The following RTF2 variants were observed in gnomAD, a reference collection of about 807,000 sequenced individuals.
The protein encoded by RTF2 is replication termination factor 2.
In RTF2, 18 loss-of-function variants were observed where a neutral mutation model predicts 38.0. The ratio of observed to expected loss-of-function variants is 0.47; its 90% CI spans 0.33 to 0.70. The LOEUF (loss-of-function observed/expected upper bound fraction) is 0.70, where lower values mean the gene tolerates loss of function less well. RTF2 is among the 30% of genes least tolerant of loss of function. RTF2 has a pLI of 0.02. For missense variants in RTF2, 311 were observed against 379.6 expected, an observed-to-expected ratio of 0.82 and a Z score of 1.50; for synonymous variants, 126 against 137.1, an observed-to-expected ratio of 0.92 and a Z score of 0.57.
chr20:56,484,887 G>A (rs1187314374), intron 5 of RTF2, among the ~76,000 whole-genome samples: 3 of 46,048 alleles, frequency 6.5e-5, no homozygotes, highest in South Asian at 7.0e-4. Context: ...GCTTCTGACT[G>A]TATTTTCCTG....
In RTF2 at chr20:56,518,366, G is replaced by A. The variant is rs1985184803; in HGVS notation, c.*101G>A. On this transcript the variant is annotated 3_prime_UTR_variant, in exon 9 of 9. Transcript: ENST00000357348. ...TGCGCTGCTGTGTGTTCTCTCTATA[G>A]TTCTGTGTCATAAAGCTGTCCTGGC... The A allele has an allele frequency of 1.6e-6, 2 of 1,217,006 alleles. No homozygotes were observed. Among genetic ancestry groups the A allele is most frequent in the African/African-American group, 1.5e-5 (1 of 65,848 alleles). The allele number at this position is 1,217,006 out of a possible 1,614,324, so 75.4% of individuals were successfully genotyped here.
At chr20:56,482,507 A>C (rs1434305450) in intron 4 of RTF2, among the ~76,000 whole-genome samples, 2 of 152,250 alleles carry the variant, frequency 1.3e-5, no homozygotes, top group Non-Finnish European at 2.9e-5. Context: ...GAGGATATAG[A>C]GGGCCAGCTG....
Position 56,518,146 on chromosome 20 carries a change from T to C in RTF2, c.802T>C (p.Ser268Pro). The change falls in exon 9 of 9, where the codon TCC becomes CCC. Residue 268 changes from serine (S) to proline (P), a missense_variant. By Grantham distance (74) the Ser-to-Pro change is moderately conservative. Coordinates refer to ENST00000357348, the MANE Select transcript of RTF2 (RefSeq NM_016407.5). ...GKPPCGATKR[S>P]IADSEESEAY... ...GCCTCCGTGTGGAGCCACAAAGAGG[T>C]CCATCGCTGACAGTGAAGAATCGGA... 1 of 1,613,960 alleles carries C rather than the reference T, an allele frequency of 6.2e-7. No homozygotes were observed. The highest frequency in any genetic ancestry group is 1.1e-5 in the South Asian group (1 of 91,054).
chr20:56,513,813 G>A, intron 6 of RTF2: 1 of 214,738 alleles, frequency 4.7e-6, no homozygotes, highest in Non-Finnish European at 9.8e-6. Flanking sequence ...GTTGATTTAA[G>A]GCAGTACATA....
At chr20:56,514,552 A>T (rs530432334) in intron 6 of RTF2, among the ~76,000 whole-genome samples, 9 of 152,184 alleles carry the variant, frequency 5.9e-5, no homozygotes, top group African/African-American at 2.2e-4. Flanking sequence ...GTACCTGAAG[A>T]TTTTTCAGAG....
intron 1 of RTF2, among the ~76,000 whole-genome samples, 165 bp from the exon 2 acceptor site, chr20:56,473,136 C>A (rs538777706): frequency 6.6e-6 from 1 of 152,120 alleles, no homozygotes; most frequent in African/African-American, 2.4e-5. Context: ...GTCTCAAAAA[C>A]AAACAAACAA....
chr20:56,488,873 AGCCTCCCTGCCTCTCG>A (rs1243458911), intron 5 of RTF2, among the ~76,000 whole-genome samples: 2 of 151,948 alleles, frequency 1.3e-5, no homozygotes, highest in Non-Finnish European at 2.9e-5. Flanking sequence ...TGCCTGTCTC[AGCCTCCCTGCCTCTCG>A]GCCTCCCTGC....
At position 56,490,317 on chromosome 20, in the gene RTF2, G is replaced by A. The variant is rs146525700; in HGVS notation, c.477+6128G>A. On this transcript the variant is annotated intron_variant, in intron 5 of 8. Coordinates refer to ENST00000357348, the MANE Select transcript of RTF2 (RefSeq NM_016407.5). ...GTATGTTGTGCTGTTTAATTGTCAC[G>A]CACTTCAGTTTCATATGATGCTGTA... is the stretch of plus-strand genomic sequence containing the variant. 1.7e-4 allele frequency among the ~76,000 whole-genome samples: 26 copies of A among 152,246 alleles called. No homozygotes were observed. In the East Asian group the frequency reaches 1.7e-3, roughly 10 times the overall value.
At chr20:56,470,729 T>TAATA in intron 1 of RTF2, 1 of 453,886 alleles carries the variant, frequency 2.2e-6, no homozygotes, top group Non-Finnish European at 4.4e-6. Context: ...GACATGGAGT[T>TAATA]AATAATCCAT....
At chr20:56,503,562 G>T (rs1266812724) in intron 5 of RTF2, among the ~76,000 whole-genome samples, 2 of 152,004 alleles carry the variant, frequency 1.3e-5, no homozygotes, top group African/African-American at 4.8e-5. Flanking sequence ...AAAAAGTGGG[G>T]GCTATTTTTG....
intron 5 of RTF2, chr20:56,496,531 G>C: frequency 8.2e-7 from 1 of 1,224,844 alleles, no homozygotes; most frequent in Middle Eastern, 2.8e-4. Flanking sequence ...CTCGGTGACC[G>C]TGTGAGACTC....
At chr20:56,474,355 C>T (rs977413705) in intron 2 of RTF2, among the ~76,000 whole-genome samples, 1 of 152,148 alleles carries the variant, frequency 6.6e-6, no homozygotes, top group African/African-American at 2.4e-5. Flanking sequence ...GTGGCAGGCG[C>T]CTGTAATCCC....
intron 5 of RTF2, among the ~76,000 whole-genome samples, chr20:56,490,739 C>G (rs1413596445): frequency 6.6e-6 from 1 of 152,344 alleles, no homozygotes; most frequent in Non-Finnish European, 1.5e-5. Context: ...ATGGCTTGAA[C>G]CTGGGAGGCA....
chr20:56,491,606 T>C, intron 5 of RTF2: 3 of 1,551,852 alleles, frequency 1.9e-6, no homozygotes, highest in South Asian at 1.2e-5. Flanking sequence ...AAAATGCCAG[T>C]GTGGCTCTAT....
At chr20:56,489,595 G>A (rs185551262) in intron 5 of RTF2, among the ~76,000 whole-genome samples, 5 of 152,220 alleles carry the variant, frequency 3.3e-5, no homozygotes, top group African/African-American at 9.6e-5. Flanking sequence ...TTTCTCATCC[G>A]TTAAAAGTGT....
chr20:56,497,045 C>A (rs376230577), intron 5 of RTF2: 216 of 1,551,574 alleles, frequency 1.4e-4, no homozygotes, highest in Non-Finnish European at 1.8e-4. Context: ...CTAGAACTTT[C>A]ATACAATTAA....
At chr20:56,514,971 C>T (rs1396421876) in intron 6 of RTF2, among the ~76,000 whole-genome samples, 4 of 150,988 alleles carry the variant, frequency 2.6e-5, no homozygotes, top group Admixed American at 6.6e-5. Context: ...CACTTGAACC[C>T]GGAAGGCGGA....
In RTF2 at chr20:56,473,455, G is replaced by A. The variant is rs939815776; in HGVS notation, c.164+60G>A. ...TAAGTGATTTTGAGAATTTTGATGT[G>A]TAAATGCAGTTTTCCATTCATCAAG... On this transcript the variant is annotated intron_variant, in intron 2 of 8. Coordinates refer to ENST00000357348, the MANE Select transcript of RTF2 (RefSeq NM_016407.5). 5 of 1,213,880 alleles carry A rather than the reference G, an allele frequency of 4.1e-6. No individual in the cohort carries two copies. The Admixed American group carries it at 8.8e-5, about 21-fold the overall frequency. The allele number at this position is 1,213,880 out of a possible 1,614,324, so 75.2% of individuals were successfully genotyped here. A position where few individuals can be genotyped will look rare whatever the true frequency, so the allele number is the denominator to read the frequency against.
At chr20:56,490,642 G>A (rs1055353786) in intron 5 of RTF2, among the ~76,000 whole-genome samples, 13 of 152,110 alleles carry the variant, frequency 8.5e-5, no homozygotes, top group African/African-American at 1.2e-4. Context: ...TGGAGACACC[G>A]CGTCTCTAGT....
Sources: gnomAD v4.1 joint callset for allele counts (sites outside exome capture counted in the v4.1 genomes callset) on GRCh38, gnomAD v4.1.1 for gene constraint, MANE v1.5 for transcripts, NCBI Gene and HGNC (gene_info 2026-07-23, HGNC 2026-07-21) for gene names.